Variants in RABEP1 observed in about 807,000 individuals in gnomAD.
RABEP1 encodes the protein rabaptin, RAB GTPase binding effector protein 1.
In RABEP1, 51 loss-of-function variants were observed where a neutral mutation model predicts 123.4. The ratio of observed to expected loss-of-function variants is 0.41; its 90% CI spans 0.33 to 0.52. The LOEUF (loss-of-function observed/expected upper bound fraction) is 0.52. Ranked by LOEUF, RABEP1 falls within the 20% of genes least tolerant of loss-of-function variation. RABEP1 has a pLI of 0.16. For synonymous variants in RABEP1, 347 were observed against 355.2 expected, an observed-to-expected ratio of 0.98 and a Z score of 0.26; for missense variants, 888 against 996.3, an observed-to-expected ratio of 0.89 and a Z score of 1.46.
intron 7 of RABEP1, among the ~76,000 whole-genome samples, chr17:5,351,100 GTTC>G (rs921368595): frequency 2.1e-4 from 32 of 151,982 alleles, no homozygotes; most frequent in African/African-American, 6.3e-4. Flanking sequence ...AGCCAAGACA[GTTC>G]TTCTTCAGTG....
chr17:5,356,891 T>A (rs950321330), intron 8 of RABEP1, among the ~76,000 whole-genome samples: 16 of 151,860 alleles, frequency 1.1e-4, no homozygotes, highest in South Asian at 4.2e-4. Flanking sequence ...CTTTTTTTTT[T>A]AAATTTGAGA....
chr17:5,370,730 G>A (rs912250851), intron 12 of RABEP1, among the ~76,000 whole-genome samples: 5 of 152,088 alleles, frequency 3.3e-5, no homozygotes, highest in African/African-American at 4.8e-5. Flanking sequence ...TCCATTACTG[G>A]GGATGTTAAA....
Position 5,332,055 on chromosome 17 carries a change from G to A in RABEP1, c.270G>A (p.Ala90=), listed in dbSNP as rs1478330552. 5.6e-6 allele frequency: 9 copies of A among 1,613,956 alleles called. No individual in the cohort carries two copies. Among genetic ancestry groups the A allele is most frequent in the East Asian group, 2.2e-5 (1 of 44,882 alleles). Residue 90 remains alanine, a synonymous_variant, in exon 3 of 18, where the codon GCG becomes GCA. Transcript: ENST00000537505. ...AAGCAGAGATGGAGAATATTAAGGC[G>A]ATTGCCACAGTCTCTGAGAACACCA... ...EAQAEMENIK[A]IATVSENTKQ...
chr17:5,352,448 C>A (rs1225648482), intron 7 of RABEP1, among the ~76,000 whole-genome samples: 1 of 151,850 alleles, frequency 6.6e-6, no homozygotes, highest in East Asian at 2.0e-4. Context: ...CCGTCTCGGC[C>A]TCCCAAAGTG....
chr17:5,300,312 A>G (rs2075124669), intron 1 of RABEP1, among the ~76,000 whole-genome samples: 1 of 152,122 alleles, frequency 6.6e-6, no homozygotes, highest in Non-Finnish European at 1.5e-5. Flanking sequence ...CTGGTCAGGT[A>G]TTTTGCAGAA....
chr17:5,345,585 T>G (rs537844985), intron 5 of RABEP1, among the ~76,000 whole-genome samples: 115 of 152,372 alleles, frequency 7.5e-4, no homozygotes, highest in Non-Finnish European at 1.4e-3. Flanking sequence ...CGGACTCTTT[T>G]ACCATCAGCT....
chr17:5,282,719 C>G (rs1294834429), intron 1 of RABEP1, among the ~76,000 whole-genome samples, 199 bp downstream of exon 1: 1 of 129,220 alleles, frequency 7.7e-6, no homozygotes, highest in African/African-American at 2.9e-5. Context: ...GGGGAGGGGG[C>G]GGGAGGCGCG....
At chr17:5,300,450 C>T (rs968199046) in intron 1 of RABEP1, among the ~76,000 whole-genome samples, 6 of 152,130 alleles carry the variant, frequency 3.9e-5, no homozygotes, top group African/African-American at 1.4e-4. Context: ...CATGGCTTAT[C>T]AGTGATGTGT....
At chr17:5,345,606 C>T (rs192482583) in intron 5 of RABEP1, among the ~76,000 whole-genome samples, 10 of 152,244 alleles carry the variant, frequency 6.6e-5, no homozygotes, top group East Asian at 1.9e-4. Flanking sequence ...GAATTACCAC[C>T]GTCCTCAGGT....
At chr17:5,306,857 G>C (rs62075064) in intron 1 of RABEP1, among the ~76,000 whole-genome samples, 7,676 of 152,266 alleles carry the variant, frequency 0.05, 246 homozygotes, top group Non-Finnish European at 0.069. Flanking sequence ...TATATCTCAT[G>C]TAATTTATTG....
At chr17:5,289,116 C>A (rs2075007250) in intron 1 of RABEP1, among the ~76,000 whole-genome samples, 1 of 151,372 alleles carries the variant, frequency 6.6e-6, no homozygotes, top group South Asian at 2.1e-4. Flanking sequence ...TTTTTTCTTT[C>A]TTTCATTTTT....
intron 8 of RABEP1, among the ~76,000 whole-genome samples, 165 bp downstream of exon 8, chr17:5,354,655 A>G (rs1322148233): frequency 6.6e-6 from 1 of 152,234 alleles, no homozygotes; most frequent in Non-Finnish European, 1.5e-5. Flanking sequence ...TTATGGCATT[A>G]TAGGTAGCAC....
chr17:5,350,793 G>GT (rs1282048181), intron 7 of RABEP1, among the ~76,000 whole-genome samples, 164 bp downstream of exon 7: 1 of 152,112 alleles, frequency 6.6e-6, no homozygotes, highest in Non-Finnish European at 1.5e-5. Flanking sequence ...GAGGGGTTTT[G>GT]TTTTTCATCT....
intron 9 of RABEP1, among the ~76,000 whole-genome samples, chr17:5,362,610 T>G (rs1008706337): frequency 6.6e-6 from 1 of 152,224 alleles, no homozygotes; most frequent in African/African-American, 2.4e-5. Flanking sequence ...TCCCTTTGGT[T>G]GTTTAGTATT....
chr17:5,289,745 G>A (rs1298600840), intron 1 of RABEP1, among the ~76,000 whole-genome samples: 1 of 151,996 alleles, frequency 6.6e-6, no homozygotes, highest in African/African-American at 2.4e-5. Flanking sequence ...TAGATAGATA[G>A]TTGTCTTAAC....
intron 6 of RABEP1, among the ~76,000 whole-genome samples, chr17:5,347,158 C>T (rs1369727223): frequency 6.6e-6 from 1 of 152,072 alleles, no homozygotes; most frequent in Non-Finnish European, 1.5e-5. Context: ...TCCTATAATC[C>T]CAGCACTTTG....
chr17:5,350,546 CTGA>C lies in RABEP1; in HGVS notation c.884_886del (p.Met295del). 6.2e-7 allele frequency: 1 copy of C among 1,614,080 alleles called. No homozygotes were observed. The highest frequency in any genetic ancestry group is 8.5e-7 in the Non-Finnish European group (1 of 1,179,970). ...CCAGTTTCTGGAATCTCAGCGTTTA[CTGA>C]TGAGAGACATGCAGCGAATGGAGAT... is the stretch of plus-strand genomic sequence containing the variant. On this transcript the variant is annotated inframe_deletion, in exon 7 of 18. Transcript: ENST00000537505.
intron 1 of RABEP1, among the ~76,000 whole-genome samples, chr17:5,298,362 AAG>A (rs1339808253): frequency 3.9e-5 from 6 of 152,148 alleles, no homozygotes; most frequent in Admixed American, 1.3e-4. Flanking sequence ...ATATGGTTCT[AAG>A]AGGTGTTTTT....
At chr17:5,299,218 T>A (rs1490247300) in intron 1 of RABEP1, among the ~76,000 whole-genome samples, 1 of 152,136 alleles carries the variant, frequency 6.6e-6, no homozygotes, top group Non-Finnish European at 1.5e-5. Flanking sequence ...CATTGACTCC[T>A]AAATCTTTTT....
Sources: allele counts gnomAD v4.1 joint callset (sites outside exome capture counted in the v4.1 genomes callset), GRCh38; gene constraint gnomAD v4.1.1; transcripts MANE v1.5; gene names NCBI Gene and HGNC (gene_info 2026-07-23, HGNC 2026-07-21).